Variants in WDFY3 observed in about 807,000 individuals in gnomAD.
WDFY3 encodes WD repeat and FYVE domain-containing protein 3.
In WDFY3, 66 loss-of-function variants were observed where a neutral mutation model predicts 409.6. That is an observed-to-expected ratio of 0.16 (90% CI 0.13 to 0.20). The LOEUF (loss-of-function observed/expected upper bound fraction) is 0.20, where lower values mean the gene tolerates loss of function less well. Among genes scored for constraint, WDFY3 ranks in the 10% least tolerant of loss-of-function variants. The pLI is 1.00. For synonymous variants in WDFY3, 1,521 were observed against 1,537.1 expected (o/e 0.99, Z 0.25); for missense variants, 3,031 against 4,298.1 (o/e 0.71, Z 8.24).
rs1198585607 is a variant in WDFY3 at position 84,817,576 on chromosome 4, C to T, written c.1703G>A (p.Arg568Gln). ...QGSNTNAGIF[R>Q]EFGGARCAHN... ...TGCACATCTTGCACCTCCAAATTCT[C>T]GAAAAATTCCTTGAAGGAAGGAGAA... is the stretch of plus-strand genomic sequence containing the variant. The change falls in exon 13 of 68, where the codon CGA becomes CAA. Residue 568 changes from arginine (R) to glutamine (Q), a missense_variant. Around this residue, in one of 16 missense-constraint regions of WDFY3, gnomAD observed 1,322 missense variants for 1,697.9 expected, o/e 0.78. Coordinates refer to ENST00000295888, the MANE Select transcript of WDFY3 (RefSeq NM_014991.6). 1 of 1,590,496 alleles carries T rather than the reference C, an allele frequency of 6.3e-7. No homozygotes were observed. The highest frequency in any genetic ancestry group is 8.6e-7 in the Non-Finnish European group (1 of 1,167,472).
At chr4:84,759,299 T>C (rs1389859091) in intron 32 of WDFY3, among the ~76,000 whole-genome samples, 1 of 152,146 alleles carries the variant, frequency 6.6e-6, no homozygotes, top group African/African-American at 2.4e-5. Context: ...TCTTTTTTGG[T>C]TCCATATGAA....
At chr4:84,833,432 T>C (rs1473175474) in intron 7 of WDFY3, among the ~76,000 whole-genome samples, 1 of 152,084 alleles carries the variant, frequency 6.6e-6, no homozygotes, top group Non-Finnish European at 1.5e-5. Flanking sequence ...TCCTAGCACT[T>C]TGGGAGGCCC....
chr4:84,690,002 A>T (rs1329487718), intron 61 of WDFY3, among the ~76,000 whole-genome samples: 1 of 152,238 alleles, frequency 6.6e-6, no homozygotes, highest in African/African-American at 2.4e-5. Flanking sequence ...AATTAATAAT[A>T]GAATCATGTA....
At chr4:84,731,635 C>A (rs1217942480) in intron 44 of WDFY3, among the ~76,000 whole-genome samples, 1 of 152,168 alleles carries the variant, frequency 6.6e-6, no homozygotes, top group Non-Finnish European at 1.5e-5. Flanking sequence ...GTTTCGATTT[C>A]ACAGGTTGGT....
chr4:84,804,325 G>A (rs1431865309), intron 15 of WDFY3, among the ~76,000 whole-genome samples: 1 of 152,126 alleles, frequency 6.6e-6, no homozygotes, highest in Non-Finnish European at 1.5e-5. Flanking sequence ...GCCTAATGCT[G>A]AGCTCTGTCA....
chr4:84,863,874 G>A (rs770594972), intron 3 of WDFY3, among the ~76,000 whole-genome samples: 7 of 152,056 alleles, frequency 4.6e-5, no homozygotes, highest in Non-Finnish European at 8.8e-5. Flanking sequence ...TATTTCTGGT[G>A]TCTCTATTCC....
intron 56 of WDFY3, among the ~76,000 whole-genome samples, chr4:84,698,497 T>C (rs1344359210): frequency 1.3e-5 from 2 of 151,986 alleles, no homozygotes; most frequent in African/African-American, 4.8e-5. Context: ...AATCTTGAAC[T>C]CCTGGCCTCA....
chr4:84,927,318 C>T (rs1770130362), intron 2 of WDFY3, among the ~76,000 whole-genome samples: 1 of 150,928 alleles, frequency 6.6e-6, no homozygotes, highest in Non-Finnish European at 1.5e-5. Flanking sequence ...CCATATGTTA[C>T]ACACACACAC....
intron 2 of WDFY3, among the ~76,000 whole-genome samples, chr4:84,914,556 C>CT (rs1768222033): frequency 6.6e-6 from 1 of 152,128 alleles, no homozygotes; most frequent in Admixed American, 6.5e-5. Context: ...CAAGGGTCAA[C>CT]TGTATCTTGT....
intron 20 of WDFY3, 61 bp downstream of exon 20, chr4:84,794,816 ACT>A: frequency 6.6e-7 from 1 of 1,516,534 alleles, no homozygotes; most frequent in Non-Finnish European, 8.8e-7. Flanking sequence ...AAGCAAATAA[ACT>A]CTAAATTATA....
intron 17 of WDFY3, among the ~76,000 whole-genome samples, chr4:84,800,241 A>G (rs1750276443): frequency 6.6e-6 from 1 of 152,336 alleles, no homozygotes. Context: ...TTAAAAACTT[A>G]CAAATAAATT....
At chr4:84,949,300 A>T (rs1381947922) in intron 1 of WDFY3, among the ~76,000 whole-genome samples, 1 of 152,242 alleles carries the variant, frequency 6.6e-6, no homozygotes, top group African/African-American at 2.4e-5. Flanking sequence ...CATAAGCTGG[A>T]AACTTGGCAG....
intron 41 of WDFY3, 50 bp downstream of exon 41, chr4:84,737,134 A>G (rs760374654): frequency 6.2e-7 from 1 of 1,602,532 alleles, no homozygotes; most frequent in Non-Finnish European, 8.5e-7. Context: ...ATACCCATAT[A>G]TGATAGCCAC....
chr4:84,749,544 A>G (rs1740124942), intron 36 of WDFY3, among the ~76,000 whole-genome samples: 1 of 152,176 alleles, frequency 6.6e-6, no homozygotes, highest in Non-Finnish European at 1.5e-5. Flanking sequence ...GTCCTCAAAT[A>G]ACATCATTTC....
At position 84,860,745 on chromosome 4, in the gene WDFY3, A is replaced by C. The variant is rs940934170; in HGVS notation, c.-31-123T>G. The stretch of plus-strand genomic sequence containing the variant: ...AATTCTGTCTAAAATATATCTTTCT[A>C]CTTCTTTAAACAGAAAAGACAGAGA... On this transcript the variant is annotated intron_variant, in intron 3 of 67. Coordinates refer to ENST00000295888, the MANE Select transcript of WDFY3 (RefSeq NM_014991.6). 4.4e-6 allele frequency: 4 copies of C among 898,984 alleles called. No individual in the cohort carries two copies. The African/African-American group carries it at 6.9e-5, about 16-fold the overall frequency. 55.7% of individuals were successfully genotyped at this position (898,984 alleles called of 1,614,324 possible).
Position 84,809,975 on chromosome 4 carries a change from T to C in WDFY3, c.2257A>G (p.Ile753Val). 6.2e-7 allele frequency: 1 copy of C among 1,614,170 alleles called. No homozygotes were observed. The highest frequency in any genetic ancestry group is 8.5e-7 in the Non-Finnish European group (1 of 1,180,004). Residue 753 changes from isoleucine to valine, a missense_variant, in exon 14 of 68, where the codon ATC becomes GTC. Around this residue, in one of 16 missense-constraint regions of WDFY3, gnomAD observed 1,322 missense variants for 1,697.9 expected, o/e 0.78. Coordinates refer to ENST00000295888, the MANE Select transcript of WDFY3 (RefSeq NM_014991.6). ...GTGGGTGACACTGATTCTATTGAGA[T>C]TACATCTTCCTCTAAAAGTCTTTGA... ...PFQRLLEEDV[I>V]SIESVSPTLR... is the part of the protein sequence containing the mutation.
intron 1 of WDFY3, among the ~76,000 whole-genome samples, chr4:84,949,061 A>T (rs1283014856): frequency 6.6e-6 from 1 of 152,150 alleles, no homozygotes; most frequent in Non-Finnish European, 1.5e-5. Context: ...GCCTGTAGTT[A>T]GTTAAGGTTA....
intron 3 of WDFY3, among the ~76,000 whole-genome samples, chr4:84,883,578 T>C (rs886416651): frequency 3.9e-5 from 6 of 152,162 alleles, no homozygotes; most frequent in Non-Finnish European, 8.8e-5. Context: ...TAAGACCTAA[T>C]TCATATTATT....
chr4:84,678,950 A>G lies in WDFY3; in HGVS notation c.10116T>C (p.Ile3372=), dbSNP rs1174216949. The change falls in exon 65 of 68, where the codon ATT becomes ATC. Residue 3372 remains isoleucine, a synonymous_variant. Coordinates refer to ENST00000295888, the MANE Select transcript of WDFY3 (RefSeq NM_014991.6). ...GPLSHPHPNP[I]EVRNYSRLKP... ...TCAATCTGCTGTAATTCCGCACCTC[A>G]ATGGGATTGGGGTGGGGGTGGCTAA... The G allele has an allele frequency of 6.2e-7, 1 of 1,613,796 alleles. No individual in the cohort carries two copies.
Sources: gnomAD v4.1 joint callset for allele counts (sites outside exome capture counted in the v4.1 genomes callset) on GRCh38, gnomAD v4.1.1 for gene constraint, gnomAD v4.1.1 regional missense constraint, MANE v1.5 for transcripts, NCBI Gene and HGNC (gene_info 2026-07-23, HGNC 2026-07-21) for gene names.